WDR19: variants seen among roughly 807,000 people sequenced by gnomAD.
The protein encoded by WDR19 is WD repeat-containing protein 19.
A neutral mutation model predicts 180.0 loss-of-function variants in WDR19; 121 were observed. The ratio of observed to expected loss-of-function variants is 0.67; its 90% confidence interval spans 0.58 to 0.78. The LOEUF (loss-of-function observed/expected upper bound fraction) is 0.78, where lower values mean the gene tolerates loss of function less well. WDR19 is among the 30% of genes least tolerant of loss of function. The pLI, the probability that WDR19 is intolerant of heterozygous loss-of-function variation, is 0.00. For missense variants in WDR19, 1,450 were observed against 1,640.7 expected (o/e 0.88, Z 2.01); for synonymous variants, 497 against 540.7 (o/e 0.92, Z 1.12).
rs886059398 is a variant in WDR19 at position 39,228,640 on chromosome 4, G to A, written c.1932G>A (p.Thr644=). ...GCTTTCTCAGCAACTTAAAAGATACGGGGCCTGACGAACTGAGACCAATGC... is the reference window on the plus strand; with the variant it reads ...GCTTTCTCAGCAACTTAAAAGATACAGGGCCTGACGAACTGAGACCAATGC... ...THGFLSNLKD[T]GPDELRPMLA... is the part of the protein sequence containing the mutation. The change falls in exon 17 of 37, where the codon ACG becomes ACA. Residue 644 remains threonine (T), a synonymous_variant. Coordinates refer to ENST00000399820, the MANE Select transcript of WDR19 (RefSeq NM_025132.4). The A allele has an allele frequency of 6.2e-6, 10 of 1,611,570 alleles. No individual in the cohort carries two copies. The highest frequency in any genetic ancestry group is 3.3e-5 in the Admixed American group (2 of 59,724).
intron 36 of WDR19, among the ~76,000 whole-genome samples, chr4:39,283,530 T>G (rs1419843552): frequency 1.3e-5 from 2 of 152,166 alleles, no homozygotes; most frequent in African/African-American, 4.8e-5. Flanking sequence ...CGTATTTCAT[T>G]TGATTCTTCT....
chr4:39,263,694 G>T (rs1327028174), intron 28 of WDR19, among the ~76,000 whole-genome samples: 1 of 152,174 alleles, frequency 6.6e-6, no homozygotes, highest in Non-Finnish European at 1.5e-5. Context: ...GGAGGCTGAG[G>T]TGGGCGGATC....
chr4:39,253,434 G>C (rs995235959), intron 25 of WDR19, 142 bp downstream of exon 25: 13 of 976,366 alleles, frequency 1.3e-5, no homozygotes, highest in Admixed American at 6.0e-5. Context: ...AAATTCAAAG[G>C]CTGTCGTGGT....
chr4:39,184,391 G>C (rs552202387), intron 1 of WDR19, among the ~76,000 whole-genome samples: 3 of 151,678 alleles, frequency 2.0e-5, no homozygotes, highest in South Asian at 4.2e-4. Context: ...GAGCCTGGGC[G>C]ACAGAGCAAG....
At position 39,240,349 on chromosome 4, in the gene WDR19, A is replaced by G; in HGVS notation, c.2421+15A>G. 7.1e-7 allele frequency: 1 copy of G among 1,400,952 alleles called. No homozygotes were observed. Among genetic ancestry groups the G allele is most frequent in the Non-Finnish European group, 9.4e-7 (1 of 1,064,906 alleles). 86.8% of individuals were successfully genotyped at this position (1,400,952 alleles called of 1,614,324 possible). A position where few individuals can be genotyped will look rare whatever the true frequency, so the allele number is the denominator to read the frequency against. On this transcript the variant is annotated intron_variant, in intron 21 of 36. Transcript: ENST00000399820. The stretch of plus-strand genomic sequence containing the variant: ...GTGATAATAAGGTAACCTTGGATAA[A>G]GATAAGATATGCCTAATTATGTCTG...
chr4:39,246,459 A>G (rs975730447), intron 24 of WDR19, among the ~76,000 whole-genome samples: 7 of 152,238 alleles, frequency 4.6e-5, no homozygotes, highest in Non-Finnish European at 8.8e-5. Flanking sequence ...CTGCATTTCC[A>G]ACTGAGGTAC....
chr4:39,269,995 C>G lies in WDR19; in HGVS notation c.3378C>G (p.His1126Gln). 1 of 1,613,690 alleles carries G rather than the reference C, an allele frequency of 6.2e-7. No homozygotes were observed. The highest frequency in any genetic ancestry group is 1.1e-5 in the South Asian group (1 of 91,044). ...TTCAAGGCAACTACCGGAATGCACA[C>G]GATGTTCTCTTCAGTATGTATGCAG... Reference protein sequence around the residue: ...EQSAGNYRNAHDVLFSMYAEL... With the variant: ...EQSAGNYRNAQDVLFSMYAEL... The change falls in exon 31 of 37, where the codon CAC becomes CAG. Residue 1126 changes from histidine (H) to glutamine (Q), a missense_variant. Coordinates refer to ENST00000399820, the MANE Select transcript of WDR19 (RefSeq NM_025132.4).
chr4:39,276,819 C>G, intron 33 of WDR19: 1 of 570,114 alleles, frequency 1.8e-6, no homozygotes, highest in Non-Finnish European at 3.0e-6. Context: ...CACCCTAGAA[C>G]CTAACCAATC....
At chr4:39,248,751 C>T (rs1732806710) in intron 24 of WDR19, among the ~76,000 whole-genome samples, 1 of 152,076 alleles carries the variant, frequency 6.6e-6, no homozygotes, top group Non-Finnish European at 1.5e-5. Flanking sequence ...TCAAAAGAGA[C>T]AAAGAAGGCC....
At chr4:39,246,846 A>T (rs1049144863) in intron 24 of WDR19, among the ~76,000 whole-genome samples, 3 of 152,244 alleles carry the variant, frequency 2.0e-5, no homozygotes, top group Non-Finnish European at 4.4e-5. Flanking sequence ...AGGTAAACAA[A>T]GCGGCCAGGA....
At position 39,257,487 on chromosome 4, in the gene WDR19, C is replaced by A; in HGVS notation, c.3116C>A (p.Ala1039Glu). The change falls in exon 28 of 37, where the codon GCA (alanine) becomes GAA (glutamate). Residue 1039 changes from alanine to glutamate, a missense_variant and splice_region_variant. Ala to Glu is a moderately radical substitution (Grantham distance 107). Transcript: ENST00000399820. ...FFLLCGQYSR[A>E]LKHFLKCPSS... Reference sequence around the variant, plus strand: ...TAATTGCTGTAATTCGCTTTTCAGGCACTTAAACACTTCCTGAAATGCCCA... The same window carrying A: ...TAATTGCTGTAATTCGCTTTTCAGGAACTTAAACACTTCCTGAAATGCCCA... The A allele has an allele frequency of 6.3e-7, 1 of 1,577,934 alleles. No homozygotes were observed. The highest frequency in any genetic ancestry group is 8.6e-7 in the Non-Finnish European group (1 of 1,160,720).
At chr4:39,200,144 G>T (rs1287475031) in intron 6 of WDR19, among the ~76,000 whole-genome samples, 1 of 152,140 alleles carries the variant, frequency 6.6e-6, no homozygotes, top group Non-Finnish European at 1.5e-5. Context: ...TTTCACTTTG[G>T]ACTACTGCTT....
chr4:39,185,815 A>T lies in WDR19; in HGVS notation c.96A>T (p.Thr32=). 1 of 1,549,992 alleles carries T rather than the reference A, an allele frequency of 6.5e-7. No individual in the cohort carries two copies. The change falls in exon 2 of 37, where the codon ACA becomes ACT. Residue 32 remains threonine, a splice_region_variant and synonymous_variant. Coordinates refer to ENST00000399820, the MANE Select transcript of WDR19 (RefSeq NM_025132.4). ...CATCAGGAAACTACCTTGCAGTAAC[A>T]GGGTAAGAAACCAATGAATGTTTTA... ...QKTSGNYLAV[T]GADYIVKIFD...
Position 39,189,787 on chromosome 4 carries a change from A to G in WDR19, c.290+6A>G. 3 of 1,590,022 alleles carry G rather than the reference A, an allele frequency of 1.9e-6. No individual in the cohort carries two copies. Among genetic ancestry groups the G allele is most frequent in the Non-Finnish European group, 2.6e-6 (3 of 1,172,672 alleles). On this transcript the variant is annotated splice_donor_region_variant and intron_variant, in intron 4 of 36. Transcript: ENST00000399820. ...CAGTTAGACAATGGCATGAGGTAAG[A>G]TAACTTTTTAATTTTTTAAAGCTTC...
At chr4:39,267,309 G>A (rs1467301833) in intron 29 of WDR19, among the ~76,000 whole-genome samples, 1 of 152,134 alleles carries the variant, frequency 6.6e-6, no homozygotes, top group Non-Finnish European at 1.5e-5. Context: ...TGTCACAGCT[G>A]GAGAGGACCG....
intron 9 of WDR19, among the ~76,000 whole-genome samples, chr4:39,209,722 A>G (rs1436114690): frequency 6.6e-6 from 1 of 151,606 alleles, no homozygotes; most frequent in Non-Finnish European, 1.5e-5. Context: ...AAAAAAAAAA[A>G]AAAAAAATCA....
rs1224275153 is a variant in WDR19, at chr4:39,278,171, A to T, written c.3881A>T (p.His1294Leu). The T allele has an allele frequency of 6.2e-7, 1 of 1,607,834 alleles. No individual in the cohort carries two copies. ...AAAGATGACTGGACGGTGTGTCCAC[A>T]TTGTGACTTCCCTGCTCTATACTCA... ...MLKDDWTVCP[H>L]CDFPALYSEL... The change falls in exon 35 of 37, where the codon CAT becomes CTT. Residue 1294 changes from histidine to leucine, a missense_variant. Coordinates refer to ENST00000399820, the MANE Select transcript of WDR19 (RefSeq NM_025132.4).
chr4:39,277,282 T>G, intron 34 of WDR19, 139 bp downstream of exon 34: 1 of 951,058 alleles, frequency 1.1e-6, no homozygotes, highest in East Asian at 2.9e-5. Flanking sequence ...GCATTTTATT[T>G]CATAGTCAAT....
At chr4:39,280,966 T>A (rs924557247) in intron 36 of WDR19, among the ~76,000 whole-genome samples, 3 of 152,078 alleles carry the variant, frequency 2.0e-5, no homozygotes, top group Admixed American at 6.6e-5. Context: ...CCGGCAGAAT[T>A]TGCTGAAAAG....
Sources: allele counts gnomAD v4.1 joint callset (sites outside exome capture counted in the v4.1 genomes callset), GRCh38; gene constraint gnomAD v4.1.1; transcripts MANE v1.5; gene names NCBI Gene and HGNC (gene_info 2026-07-23, HGNC 2026-07-21).